The following JARID2 variants were observed in gnomAD, a reference collection of about 807,000 sequenced individuals.
JARID2 encodes the protein protein Jumonji.
In JARID2, 21 loss-of-function variants were observed where a neutral mutation model predicts 125.6. The observed-to-expected ratio is 0.17, with a 90% CI of 0.12 to 0.24. The LOEUF (loss-of-function observed/expected upper bound fraction) is 0.24, where lower values mean the gene tolerates loss of function less well. JARID2 is among the 10% of genes least tolerant of loss of function. The pLI, the probability that JARID2 is intolerant of heterozygous loss-of-function variation, is 1.00. For missense variants in JARID2, 1,303 were observed against 1,639.6 expected, an observed-to-expected ratio of 0.79 and a Z score of 3.55; for synonymous variants, 736 against 661.6, an observed-to-expected ratio of 1.11 and a Z score of -1.73.
chr6:15,354,968 C>T (rs552480214), intron 1 of JARID2, among the ~76,000 whole-genome samples: 13 of 152,216 alleles, frequency 8.5e-5, no homozygotes, highest in South Asian at 4.1e-4. Context: ...GATTAGGCTG[C>T]GGATTGCTGA....
At chr6:15,461,741 C>T (rs2127662138) in intron 4 of JARID2, among the ~76,000 whole-genome samples, 1 of 152,242 alleles carries the variant, frequency 6.6e-6, no homozygotes, top group South Asian at 2.1e-4. Flanking sequence ...TGTTTGGAGC[C>T]ATAAAAATGT....
chr6:15,326,167 G>A (rs1431902416), intron 1 of JARID2, among the ~76,000 whole-genome samples: 3 of 152,114 alleles, frequency 2.0e-5, no homozygotes, highest in Non-Finnish European at 4.4e-5. Flanking sequence ...TCAACCCATG[G>A]TGAATTTTGT....
At chr6:15,260,826 C>T (rs145420479) in intron 1 of JARID2, among the ~76,000 whole-genome samples, 1 of 152,144 alleles carries the variant, frequency 6.6e-6, no homozygotes. Flanking sequence ...AAAGTGGTGG[C>T]TTTTTCTTCT....
chr6:15,252,981 TCTC>T (rs1307781971), intron 1 of JARID2, among the ~76,000 whole-genome samples: 1 of 152,208 alleles, frequency 6.6e-6, no homozygotes, highest in Non-Finnish European at 1.5e-5. Flanking sequence ...GAGATTTTAT[TCTC>T]ATTATCCTTC....
intron 1 of JARID2, among the ~76,000 whole-genome samples, chr6:15,275,273 A>G (rs1760452879): frequency 6.6e-6 from 1 of 152,180 alleles, no homozygotes; most frequent in Non-Finnish European, 1.5e-5. Flanking sequence ...CTGACCTAAA[A>G]GGAGGTTACA....
At chr6:15,486,849 T>C (rs1340672409) in intron 5 of JARID2, among the ~76,000 whole-genome samples, 2 of 140,954 alleles carry the variant, frequency 1.4e-5, no homozygotes, top group Non-Finnish European at 3.0e-5. Context: ...CTCTGACATT[T>C]GATGGTTGAT....
At chr6:15,394,998 T>C (rs1765165857) in intron 2 of JARID2, among the ~76,000 whole-genome samples, 1 of 150,862 alleles carries the variant, frequency 6.6e-6, no homozygotes, top group South Asian at 2.1e-4. Flanking sequence ...AGCGACAAAA[T>C]AATTAAAACA....
At chr6:15,401,390 T>G (rs1234643570) in intron 2 of JARID2, among the ~76,000 whole-genome samples, 1 of 152,236 alleles carries the variant, frequency 6.6e-6, no homozygotes, top group Admixed American at 6.5e-5. Context: ...CTCTGGAGAC[T>G]GAATGCCATC....
chr6:15,513,224 T>G lies in JARID2; in HGVS notation c.3267-15T>G, dbSNP rs1771365063. On this transcript the variant is annotated splice_polypyrimidine_tract_variant and intron_variant, in intron 15 of 17. Transcript: ENST00000341776. Reference sequence around the variant, plus strand: ...GCCGTCACTAAAGGTGCGGGCCGTCTCCCGTGTCTGGCAGGGATACAGAGC... The same window carrying G: ...GCCGTCACTAAAGGTGCGGGCCGTCGCCCGTGTCTGGCAGGGATACAGAGC... 1 of 1,554,098 alleles carries G rather than the reference T, an allele frequency of 6.4e-7. No individual in the cohort carries two copies. Among genetic ancestry groups the G allele is most frequent in the Non-Finnish European group, 8.7e-7 (1 of 1,146,906 alleles).
rs530269155 is a variant in JARID2, at chr6:15,490,817, C to T, written c.906+3275C>T. Among the ~76,000 whole-genome samples, 4 of 152,312 alleles carry T rather than the reference C, an allele frequency of 2.6e-5. No individual in the cohort carries two copies. In the East Asian group the frequency reaches 7.7e-4, roughly 29 times the overall value. ...GCAAGGGTTTTGAAGTATTAGTTTT[C>T]CAAGAGAGTCATGAGCAGGTTTTGT... is the stretch of plus-strand genomic sequence containing the variant. On this transcript the variant is annotated intron_variant, in intron 6 of 17. Coordinates refer to ENST00000341776, the MANE Select transcript of JARID2 (RefSeq NM_004973.4).
Position 15,263,369 on chromosome 6 carries a change from AATT to A in JARID2, c.45+16788_45+16790del, listed in dbSNP as rs201612217. On this transcript the variant is annotated intron_variant, in intron 1 of 17. Coordinates refer to ENST00000341776, the MANE Select transcript of JARID2 (RefSeq NM_004973.4). Reference sequence around the variant, plus strand: ...ACTATGGGGAGTAGAATGACCTAGAAATTATCCCTGATTTTCTTCTCCTTCCAA... The same window carrying A: ...ACTATGGGGAGTAGAATGACCTAGAAATCCCTGATTTTCTTCTCCTTCCAA... Among the ~76,000 whole-genome samples the A allele has an allele frequency of 5.0e-3, 768 of 152,086 alleles. 7 individuals are homozygous for A. The highest frequency in any genetic ancestry group is 0.018 in the African/African-American group (749 of 41,442).
chr6:15,331,350 C>CA (rs1304101940), intron 1 of JARID2, among the ~76,000 whole-genome samples: 19 of 148,684 alleles, frequency 1.3e-4, no homozygotes, highest in African/African-American at 4.5e-4. Flanking sequence ...AAAACAAAAA[C>CA]AAAAACAAAA....
At chr6:15,266,079 G>A (rs1397106031) in intron 1 of JARID2, among the ~76,000 whole-genome samples, 1 of 152,130 alleles carries the variant, frequency 6.6e-6, no homozygotes, top group Non-Finnish European at 1.5e-5. Context: ...GGTCAATACT[G>A]ATCAGCTTTC....
intron 16 of JARID2, among the ~76,000 whole-genome samples, chr6:15,513,951 C>T (rs1038598829): frequency 6.6e-6 from 1 of 152,252 alleles, no homozygotes; most frequent in Non-Finnish European, 1.5e-5. Context: ...GCTGATGTTC[C>T]TCCTGTCCCA....
intron 13 of JARID2, 52 bp from the exon 14 acceptor site, chr6:15,512,153 TGCA>T (rs1483241827): frequency 9.2e-6 from 14 of 1,524,070 alleles, no homozygotes; most frequent in Non-Finnish European, 1.3e-5. Context: ...ACCTGAAGAC[TGCA>T]GGTGTCCCTG....
At chr6:15,399,075 T>TTACG (rs1288620399) in intron 2 of JARID2, among the ~76,000 whole-genome samples, 3 of 152,198 alleles carry the variant, frequency 2.0e-5, no homozygotes, top group African/African-American at 7.2e-5. Context: ...TTTAATTGAC[T>TTACG]CTGTATGACT....
intron 6 of JARID2, among the ~76,000 whole-genome samples, chr6:15,495,363 C>T (rs964565211): frequency 2.0e-5 from 3 of 152,124 alleles, no homozygotes; most frequent in Non-Finnish European, 4.4e-5. Context: ...AGTTTGTAAA[C>T]GGTGGGAAAA....
intron 1 of JARID2, among the ~76,000 whole-genome samples, chr6:15,273,535 C>G (rs1048478011): frequency 3.3e-5 from 5 of 152,202 alleles, no homozygotes; most frequent in African/African-American, 1.2e-4. Flanking sequence ...AACCCCATCT[C>G]TACTAAAAAT....
chr6:15,393,283 C>T (rs1765094145), intron 2 of JARID2, among the ~76,000 whole-genome samples: 1 of 152,180 alleles, frequency 6.6e-6, no homozygotes, highest in South Asian at 2.1e-4. Context: ...GTATCTGTGC[C>T]ACTATAATGA....
Sources: gnomAD v4.1 joint callset for allele counts (sites outside exome capture counted in the v4.1 genomes callset) on GRCh38, gnomAD v4.1.1 for gene constraint, MANE v1.5 for transcripts, NCBI Gene and HGNC (gene_info 2026-07-23, HGNC 2026-07-21) for gene names.